RHOBTB1: variants seen among roughly 807,000 people sequenced by gnomAD.
RHOBTB1 encodes Rho related BTB domain containing 1, also known as rho-related BTB domain-containing protein 1.
Under a neutral mutation model 71.6 loss-of-function variants are expected in RHOBTB1, and 40 were observed. The observed-to-expected ratio is 0.56, with a 90% CI of 0.43 to 0.73. RHOBTB1 has a LOEUF of 0.73. Ranked by LOEUF, RHOBTB1 falls within the 30% of genes least tolerant of loss-of-function variation. The pLI is 0.00. For synonymous variants in RHOBTB1, 319 were observed against 334.9 expected, an observed-to-expected ratio of 0.95 and a Z score of 0.52; for missense variants, 797 against 894.0, an observed-to-expected ratio of 0.89 and a Z score of 1.38.
intron 2 of RHOBTB1, among the ~76,000 whole-genome samples, chr10:60,966,296 T>C (rs2134596761): frequency 6.6e-6 from 1 of 151,900 alleles, no homozygotes; most frequent in Non-Finnish European, 1.5e-5. Context: ...GCAATTCTGA[T>C]TATATTCGAA....
At chr10:60,907,608 T>C (rs925451226) in intron 4 of RHOBTB1, among the ~76,000 whole-genome samples, 8 of 152,250 alleles carry the variant, frequency 5.3e-5, no homozygotes, top group Non-Finnish European at 1.2e-4. Context: ...CATGCTACTC[T>C]GTTTCCTTCA....
At chr10:60,893,105 TA>T (rs11304357) in intron 4 of RHOBTB1, 110 bp from the exon 5 acceptor site, 216,894 of 599,142 alleles carry the variant, frequency 0.36, 17,530 homozygotes, top group East Asian at 0.54. Flanking sequence ...ATGTCACAAT[TA>T]AAAAAAAAAA....
intron 2 of RHOBTB1, among the ~76,000 whole-genome samples, chr10:60,957,838 C>T (rs116585978): frequency 4.6e-5 from 7 of 152,106 alleles, no homozygotes; most frequent in African/African-American, 1.4e-4. Context: ...TCCCACTGTA[C>T]GGACAGGAAA....
At chr10:60,975,893 C>G (rs989399421) in intron 2 of RHOBTB1, among the ~76,000 whole-genome samples, 8 of 152,006 alleles carry the variant, frequency 5.3e-5, no homozygotes, top group Non-Finnish European at 1.0e-4. Flanking sequence ...ATGGGATGCT[C>G]ACTTGCACCT....
intron 2 of RHOBTB1, among the ~76,000 whole-genome samples, chr10:60,961,204 A>G (rs7897620): frequency 0.027 from 4,141 of 152,196 alleles, 200 homozygotes; most frequent in African/African-American, 0.095. Context: ...CTCAAAATAG[A>G]GCTCACAAAA....
intron 2 of RHOBTB1, among the ~76,000 whole-genome samples, chr10:60,932,030 C>T (rs2084283864): frequency 6.6e-6 from 1 of 152,084 alleles, no homozygotes; most frequent in Admixed American, 6.5e-5. Context: ...ATATTCTAAG[C>T]TTAGATCAAT....
intron 8 of RHOBTB1, among the ~76,000 whole-genome samples, 179 bp downstream of exon 8, chr10:60,877,729 A>G (rs2081111599): frequency 6.6e-6 from 1 of 152,244 alleles, no homozygotes; most frequent in Admixed American, 6.5e-5. Flanking sequence ...CTTAAGAAAT[A>G]TATGTTGAAT....
chr10:60,916,272 G>C (rs2083265113), intron 2 of RHOBTB1, among the ~76,000 whole-genome samples: 1 of 152,164 alleles, frequency 6.6e-6, no homozygotes, highest in African/African-American at 2.4e-5. Context: ...AGCCCAGCAG[G>C]GATGAGAATT....
At chr10:60,972,484 A>G (rs1401545570) in intron 2 of RHOBTB1, among the ~76,000 whole-genome samples, 7 of 152,122 alleles carry the variant, frequency 4.6e-5, no homozygotes, top group Admixed American at 6.6e-5. Flanking sequence ...GAGATGAACA[A>G]TGAGAACACA....
In RHOBTB1 at chr10:60,966,199, CTGA is replaced by C. The variant is rs202016103; in HGVS notation, c.-62+19643_-62+19645del. On this transcript the variant is annotated intron_variant, in intron 2 of 11. Coordinates refer to the RHOBTB1 transcript ENST00000357917. ...AAAAAACTTTTAATATTAGTTTTCT[CTGA>C]TGTTAGGATTATGAGTAATTTCTTT... 1.1e-3 allele frequency among the ~76,000 whole-genome samples: 170 copies of C among 151,610 alleles called. 1 individual carries two copies. The East Asian group carries it at 0.031, about 28-fold the overall frequency.
At chr10:60,969,550 T>A (rs1235148812) in intron 2 of RHOBTB1, among the ~76,000 whole-genome samples, 2 of 151,902 alleles carry the variant, frequency 1.3e-5, no homozygotes, top group African/African-American at 4.8e-5. Context: ...GCCCCAAAGG[T>A]TACATCTGGG....
At chr10:60,968,583 T>G (rs1258131006) in intron 2 of RHOBTB1, among the ~76,000 whole-genome samples, 1 of 151,830 alleles carries the variant, frequency 6.6e-6, no homozygotes, top group African/African-American at 2.4e-5. Context: ...GCAGGAGAGG[T>G]GTACACAAGC....
intron 2 of RHOBTB1, among the ~76,000 whole-genome samples, chr10:60,967,721 G>A (rs989001384): frequency 1.3e-5 from 2 of 152,132 alleles, no homozygotes; most frequent in African/African-American, 4.8e-5. Context: ...CTGTGTCCCT[G>A]TTTATCCATT....
At chr10:60,936,887 A>C (rs1378830350) in intron 2 of RHOBTB1, among the ~76,000 whole-genome samples, 1 of 152,206 alleles carries the variant, frequency 6.6e-6, no homozygotes, top group East Asian at 1.9e-4. Context: ...GTGAGTTCTC[A>C]GCACCTAGCC....
intron 2 of RHOBTB1, among the ~76,000 whole-genome samples, chr10:60,953,350 T>A (rs890690752): frequency 3.9e-5 from 6 of 152,204 alleles, no homozygotes; most frequent in African/African-American, 1.4e-4. Context: ...GCCAGTCCCA[T>A]ATCCTTGCTG....
At chr10:60,876,965 G>T (rs2081079411) in intron 8 of RHOBTB1, among the ~76,000 whole-genome samples, 1 of 152,202 alleles carries the variant, frequency 6.6e-6, no homozygotes. Context: ...AAGCTAATAT[G>T]CTCAGGCACT....
chr10:60,955,409 T>C (rs973774075), intron 2 of RHOBTB1, among the ~76,000 whole-genome samples: 10 of 152,176 alleles, frequency 6.6e-5, no homozygotes, highest in African/African-American at 2.4e-4. Flanking sequence ...GAACACACTT[T>C]GTGAACATCA....
At chr10:60,989,489 C>A (rs773991830) in intron 1 of RHOBTB1, among the ~76,000 whole-genome samples, 2 of 152,194 alleles carry the variant, frequency 1.3e-5, no homozygotes, top group Admixed American at 1.3e-4. Flanking sequence ...GTTTACTCAG[C>A]CTTATCTCTC....
At chr10:60,883,894 T>C (rs1375991198) in intron 7 of RHOBTB1, among the ~76,000 whole-genome samples, 1 of 152,178 alleles carries the variant, frequency 6.6e-6, no homozygotes, top group Non-Finnish European at 1.5e-5. Context: ...GAGTTGAGAT[T>C]TGAGTCCCAC....
Sources: gnomAD v4.1 joint callset for allele counts (sites outside exome capture counted in the v4.1 genomes callset) on GRCh38, gnomAD v4.1.1 for gene constraint, MANE v1.5 for transcripts, NCBI Gene and HGNC (gene_info 2026-07-23, HGNC 2026-07-21) for gene names.